ANKRD44: variants seen among roughly 807,000 people sequenced by gnomAD.
The protein encoded by ANKRD44 is serine/threonine-protein phosphatase 6 regulatory ankyrin repeat subunit B.
ANKRD44 carries 35 observed loss-of-function variants against 116.0 expected under a neutral mutation model. The observed-to-expected ratio is 0.30, with a 90% CI of 0.23 to 0.40. The LOEUF (loss-of-function observed/expected upper bound fraction) is 0.40, where lower values mean the gene tolerates loss of function less well. Ranked by LOEUF, ANKRD44 falls within the 10% of genes least tolerant of loss-of-function variation. The probability of loss-of-function intolerance (pLI) is 1.00; values close to 1 mark genes in which losing one functional copy is unlikely to be tolerated. For missense variants in ANKRD44, 1,014 were observed against 1,242.6 expected, an observed-to-expected ratio of 0.82 and a Z score of 2.77; for synonymous variants, 435 against 461.8, an observed-to-expected ratio of 0.94 and a Z score of 0.74.
chr2:196,990,240 G>A, intron 27 of ANKRD44: 1 of 986,644 alleles, frequency 1.0e-6, no homozygotes, highest in Non-Finnish European at 1.2e-6. Context: ...ACATCAAAGT[G>A]AGAAGAAGTT....
At chr2:197,095,929 C>T (rs1383253740) in intron 10 of ANKRD44, among the ~76,000 whole-genome samples, 3 of 152,044 alleles carry the variant, frequency 2.0e-5, no homozygotes, top group South Asian at 2.1e-4. Flanking sequence ...AATTTGCTAG[C>T]GTCAAAAGCC....
chr2:197,037,229 C>A (rs559759122), intron 16 of ANKRD44, among the ~76,000 whole-genome samples: 6 of 152,314 alleles, frequency 3.9e-5, no homozygotes, highest in South Asian at 2.1e-4. Flanking sequence ...ATAAACATTA[C>A]TAGAGAATAA....
At chr2:197,285,830 T>G (rs572603201) in intron 1 of ANKRD44, among the ~76,000 whole-genome samples, 48 of 152,278 alleles carry the variant, frequency 3.2e-4, no homozygotes, top group African/African-American at 1.2e-3. Context: ...AGGGTCAGAT[T>G]CTGAAAAAAA....
chr2:197,065,093 A>AT (rs1165059834), intron 16 of ANKRD44, among the ~76,000 whole-genome samples: 21 of 152,374 alleles, frequency 1.4e-4, no homozygotes, highest in African/African-American at 5.0e-4. Context: ...CAGAAATTCC[A>AT]TCAAACTGTC....
intron 16 of ANKRD44, among the ~76,000 whole-genome samples, chr2:197,041,583 G>T (rs1046323564): frequency 3.3e-5 from 5 of 152,148 alleles, no homozygotes; most frequent in African/African-American, 1.2e-4. Flanking sequence ...TAAGAGAAAA[G>T]GTCAGCCTTT....
In ANKRD44 at chr2:197,251,875, A is replaced by C. The variant is rs146103114; in HGVS notation, c.27+58703T>G. Among the ~76,000 whole-genome samples, 949 of 152,336 alleles carry C rather than the reference A, an allele frequency of 6.2e-3. 11 individuals carry two copies. The highest frequency in any genetic ancestry group is 0.022 in the African/African-American group (896 of 41,562). On this transcript the variant is annotated intron_variant, in intron 1 of 27. Transcript: ENST00000282272. ...CAATCTTAGCTATAAAAATATGAAAACGAAGGTTTCCACTACTTATTTTTT... is the reference window on the plus strand; with the variant it reads ...CAATCTTAGCTATAAAAATATGAAACCGAAGGTTTCCACTACTTATTTTTT...
At chr2:197,000,758 T>C (rs2076099639) in intron 22 of ANKRD44, among the ~76,000 whole-genome samples, 2 of 152,212 alleles carry the variant, frequency 1.3e-5, no homozygotes, top group South Asian at 4.1e-4. Context: ...CAAAGTGGAA[T>C]AGACATGCTT....
At chr2:197,107,509 G>A (rs552094947) in intron 9 of ANKRD44, among the ~76,000 whole-genome samples, 132 of 151,308 alleles carry the variant, frequency 8.7e-4, no homozygotes, top group African/African-American at 2.9e-3. Context: ...AACTAAAAAA[G>A]AGTGGGGTTT....
At chr2:197,018,309 C>T (rs900599130) in intron 17 of ANKRD44, among the ~76,000 whole-genome samples, 4 of 152,150 alleles carry the variant, frequency 2.6e-5, no homozygotes, top group African/African-American at 9.7e-5. Flanking sequence ...CAGAATCTGG[C>T]CTTCCTCTAC....
At chr2:197,051,192 C>G (rs1216021732) in intron 16 of ANKRD44, among the ~76,000 whole-genome samples, 1 of 152,030 alleles carries the variant, frequency 6.6e-6, no homozygotes, top group African/African-American at 2.4e-5. Context: ...AACTCCATGG[C>G]TCAAGGGATC....
At chr2:197,106,498 T>C (rs978153862) in intron 9 of ANKRD44, among the ~76,000 whole-genome samples, 4 of 150,646 alleles carry the variant, frequency 2.7e-5, no homozygotes, top group African/African-American at 9.8e-5. Flanking sequence ...ATTTAAAATA[T>C]ATTTCAGGAG....
intron 1 of ANKRD44, among the ~76,000 whole-genome samples, chr2:197,213,683 G>A (rs570511826): frequency 2.0e-4 from 30 of 152,274 alleles, no homozygotes; most frequent in African/African-American, 7.0e-4. Flanking sequence ...AATTGGACCT[G>A]TACACTGCTA....
At chr2:197,296,288 T>C (rs1226097495) in intron 1 of ANKRD44, 1 of 152,182 alleles carries the variant, frequency 6.6e-6, no homozygotes, top group Non-Finnish European at 1.5e-5. Context: ...CTAGGACCTT[T>C]TGAGGGGCCA....
intron 2 of ANKRD44, among the ~76,000 whole-genome samples, chr2:197,181,229 T>A (rs11887815): frequency 0.29 from 43,534 of 151,876 alleles, 6,993 homozygotes; most frequent in African/African-American, 0.42. Context: ...ACAAAAAAAA[T>A]TTTTTATAAA....
rs570895714 is a variant in ANKRD44, at chr2:197,125,981, G to C, written c.318C>G (p.Asn106Lys). 1 of 1,614,252 alleles carries C rather than the reference G, an allele frequency of 6.2e-7. No homozygotes were observed. The highest frequency in any genetic ancestry group is 1.1e-5 in the South Asian group (1 of 91,092). ...CTGCCACATGAAGAGGGGTCTGCCA[G>C]TTCTTGTCCCTTGCATTGACATCAG... Reference protein sequence around the residue: ...HSADVNARDKNWQTPLHVAAA... With the variant: ...HSADVNARDKKWQTPLHVAAA... The change falls in exon 5 of 28, where the codon AAC becomes AAG. Residue 106 changes from asparagine (N) to lysine (K), a missense_variant. Asn to Lys is a moderately conservative substitution (Grantham distance 94). Transcript: ENST00000282272.
intron 2 of ANKRD44, among the ~76,000 whole-genome samples, chr2:197,163,528 TA>T (rs2080020613): frequency 6.6e-6 from 1 of 152,164 alleles, no homozygotes; most frequent in African/African-American, 2.4e-5. Context: ...AGGCTCCCAT[TA>T]GAATGAAACT....
intron 16 of ANKRD44, among the ~76,000 whole-genome samples, chr2:197,030,504 G>C (rs2076684932): frequency 6.6e-6 from 1 of 152,118 alleles, no homozygotes; most frequent in Admixed American, 6.5e-5. Context: ...CAATATTAGT[G>C]GGGGTGACAA....
intron 1 of ANKRD44, among the ~76,000 whole-genome samples, chr2:197,223,448 G>A (rs143036920): frequency 7.9e-4 from 120 of 152,126 alleles, no homozygotes; most frequent in African/African-American, 2.6e-3. Context: ...TTATGTTTTG[G>A]GGATTTATTC....
intron 16 of ANKRD44, among the ~76,000 whole-genome samples, chr2:197,054,099 G>C (rs770019327): frequency 6.6e-6 from 1 of 152,168 alleles, no homozygotes; most frequent in African/African-American, 2.4e-5. Flanking sequence ...AAGATACAAG[G>C]CTCAAACCTT....
Sources: allele counts gnomAD v4.1 joint callset (sites outside exome capture counted in the v4.1 genomes callset), GRCh38; gene constraint gnomAD v4.1.1; transcripts MANE v1.5; gene names NCBI Gene and HGNC (gene_info 2026-07-23, HGNC 2026-07-21).